SMYD5: variants seen among roughly 807,000 people sequenced by gnomAD.
SMYD5 encodes the protein SMYD family member 5.
Under a neutral mutation model 57.4 loss-of-function variants are expected in SMYD5, and 35 were observed. The observed-to-expected ratio is 0.61, with a 90% CI of 0.47 to 0.81. SMYD5 has a LOEUF of 0.81. Among genes scored for constraint, SMYD5 ranks in the 30% least tolerant of loss-of-function variants. The pLI, the probability that SMYD5 is intolerant of heterozygous loss-of-function variation, is 0.00. For missense variants in SMYD5, 471 were observed against 527.9 expected, an observed-to-expected ratio of 0.89 and a Z score of 1.06; for synonymous variants, 198 against 189.7, an observed-to-expected ratio of 1.04 and a Z score of -0.36.
At chr2:73,225,331 A>T in intron 11 of SMYD5, 1 of 516,990 alleles carries the variant, frequency 1.9e-6, no homozygotes, top group Non-Finnish European at 3.4e-6. Context: ...CTTGAGGGCA[A>T]GTAGCATCAT....
rs1038025288 is a variant in SMYD5, at chr2:73,220,239, C to A, written c.345+49C>A. Reference sequence around the variant, plus strand: ...CTGGAAGGGGGTGGGTGAGGGAGGCCTTAGCTGGAGTCCTCAGTGGGGAGA... The same window carrying A: ...CTGGAAGGGGGTGGGTGAGGGAGGCATTAGCTGGAGTCCTCAGTGGGGAGA... On this transcript the variant is annotated intron_variant, in intron 3 of 12. Coordinates refer to ENST00000389501, the MANE Select transcript of SMYD5 (RefSeq NM_006062.3). 16 of 1,604,298 alleles carry A rather than the reference C, an allele frequency of 1.0e-5. No individual in the cohort carries two copies. In the East Asian group the frequency reaches 3.6e-4, roughly 36 times the overall value.
intron 1 of SMYD5, among the ~76,000 whole-genome samples, chr2:73,218,476 C>T (rs1686328196): frequency 6.6e-6 from 1 of 152,340 alleles, no homozygotes; most frequent in Admixed American, 6.5e-5. Context: ...CCTGGAGTGG[C>T]ATGTGGCTGA....
chr2:73,221,962 C>T (rs768931394), intron 6 of SMYD5, 32 bp downstream of exon 6: 35 of 1,326,378 alleles, frequency 2.6e-5, no homozygotes, highest in South Asian at 8.2e-5. Context: ...GTCTCCTTCC[C>T]TCCCCAAATA....
intron 2 of SMYD5, 146 bp downstream of exon 2, chr2:73,219,115 A>G: frequency 3.0e-6 from 2 of 658,644 alleles, no homozygotes; most frequent in Non-Finnish European, 5.5e-6. Flanking sequence ...CCTGAGAACC[A>G]TGCCTCTGTC....
chr2:73,220,013 G>A, intron 2 of SMYD5, 38 bp from the exon 3 acceptor site: 3 of 1,613,952 alleles, frequency 1.9e-6, no homozygotes, highest in Non-Finnish European at 2.5e-6. Flanking sequence ...TGTGGCCTCT[G>A]CTCTCAAGAT....
At position 73,220,043 on chromosome 2, in the gene SMYD5, A is replaced by G. The variant is rs1417048692; in HGVS notation, c.206-8A>G. 7.4e-6 allele frequency: 12 copies of G among 1,614,036 alleles called. No homozygotes were observed. Among genetic ancestry groups the G allele is most frequent in the Non-Finnish European group, 1.0e-5 (12 of 1,180,000 alleles). ...CAAGATATTGTTGTGTCTGGCTCTCACCGTCAGCCTGTGACCACTGCCTTA... is the reference window on the plus strand; with the variant it reads ...CAAGATATTGTTGTGTCTGGCTCTCGCCGTCAGCCTGTGACCACTGCCTTA... On this transcript the variant is annotated splice_polypyrimidine_tract_variant and splice_region_variant and intron_variant, in intron 2 of 12. Transcript: ENST00000389501.
In SMYD5 at chr2:73,226,818, G is replaced by T. The variant is rs1412567505; in HGVS notation, c.*872G>T. On this transcript the variant is annotated 3_prime_UTR_variant, in exon 13 of 13. Transcript: ENST00000389501. ...TCCTGGGGCCAGTTAAAATGGGTCA[G>T]TGAGGGGCTCTCCTGGCCTCAATCT... 6.5e-6 allele frequency: 1 copy of T among 152,752 alleles called. No individual in the cohort carries two copies. The highest frequency in any genetic ancestry group is 1.5e-5 in the Non-Finnish European group (1 of 68,152). The allele number at this position is 152,752 out of a possible 1,614,324, so 9.5% of individuals were successfully genotyped here.
At position 73,224,899 on chromosome 2, in the gene SMYD5, C is replaced by G. The variant is rs775682819; in HGVS notation, c.974C>G (p.Ser325Cys). ...AGTTGTGTGCCCAATGCAGAGACCT[C>G]CTTTCCAGAAAACAACTTCCTTTTG... ...NHSCVPNAET[S>C]FPENNFLLHV... Residue 325 changes from serine to cysteine, a missense_variant, in exon 11 of 13, where the codon TCC becomes TGC. Physicochemically the swap from Ser to Cys is moderately radical, Grantham distance 112. Coordinates refer to ENST00000389501, the MANE Select transcript of SMYD5 (RefSeq NM_006062.3). 1.9e-6 allele frequency: 3 copies of G among 1,613,942 alleles called. No individual in the cohort carries two copies. Among genetic ancestry groups the G allele is most frequent in the Non-Finnish European group, 2.5e-6 (3 of 1,179,966 alleles).
At chr2:73,225,533 G>C in intron 11 of SMYD5, 98 bp from the exon 12 acceptor site, 1 of 1,148,056 alleles carries the variant, frequency 8.7e-7, no homozygotes, top group South Asian at 1.4e-5. Flanking sequence ...TTGGCTCCTA[G>C]AGATGGGGCA....
Position 73,220,174 on chromosome 2 carries a change from A to G in SMYD5, c.329A>G (p.Asn110Ser). The G allele has an allele frequency of 1.9e-6, 3 of 1,614,132 alleles. 1 individual carries two copies. In the Middle Eastern group the frequency reaches 5.0e-4, roughly 266 times the overall value. Residue 110 changes from asparagine to serine, a missense_variant, in exon 3 of 13, where the codon AAC (asparagine) becomes AGC (serine). By Grantham distance (46) the Asn-to-Ser change is conservative. Coordinates refer to ENST00000389501, the MANE Select transcript of SMYD5 (RefSeq NM_006062.3). The part of the protein sequence containing the change: ...LCTVRKDLHQ[N>S]CPHCQVMYCS... ...ACTGTGCGCAAAGACCTCCACCAGA[A>G]CTGTCCCCATTGCCAAGTGAGTATT...
chr2:73,222,756 G>A lies in SMYD5; in HGVS notation c.644G>A (p.Gly215Asp), dbSNP rs1371943617. The A allele has an allele frequency of 6.2e-7, 1 of 1,611,026 alleles. No individual in the cohort carries two copies. The highest frequency in any genetic ancestry group is 2.2e-5 in the East Asian group (1 of 44,774). ...CTCTCCCTGCTTCCTCTAATCCAGG[G>A]CCAACTGGAACTTCTGCGGAGACTC... ...VHKLLGDKFKGQLELLRRLFT... is the reference protein window; with the variant it reads ...VHKLLGDKFKDQLELLRRLFT... The change falls in exon 7 of 13, where the codon GGC (glycine) becomes GAC (aspartate). Residue 215 changes from glycine to aspartate, a missense_variant and splice_region_variant. Coordinates refer to ENST00000389501, the MANE Select transcript of SMYD5 (RefSeq NM_006062.3).
Position 73,223,465 on chromosome 2 carries a change from G to A in SMYD5, c.816G>A (p.Glu272=), listed in dbSNP as rs762185132. 6.2e-7 allele frequency: 1 copy of A among 1,614,156 alleles called. No individual in the cohort carries two copies. The highest frequency in any genetic ancestry group is 8.5e-7 in the Non-Finnish European group (1 of 1,179,986). Reference sequence around the variant, plus strand: ...GGGTCCATGCCTGTGACACTCTGGAGTTGAAGCCTCAGGACCGTGAGCAGC... The same window carrying A: ...GGGTCCATGCCTGTGACACTCTGGAATTGAAGCCTCAGGACCGTGAGCAGC... ...SQWVHACDTL[E]LKPQDREQLD... is the part of the protein sequence containing the mutation. The change falls in exon 9 of 13, where the codon GAG becomes GAA. Residue 272 remains glutamate, a synonymous_variant. Transcript: ENST00000389501.
intron 1 of SMYD5, chr2:73,214,781 T>G: frequency 7.6e-7 from 1 of 1,312,360 alleles, no homozygotes; most frequent in South Asian, 1.2e-5. Flanking sequence ...CCAAGATCCT[T>G]CACGAGGGTC....
intron 1 of SMYD5, chr2:73,214,874 T>G: frequency 8.0e-7 from 1 of 1,244,600 alleles, no homozygotes. Flanking sequence ...TGACGTGATT[T>G]TGTCGTTTTT....
chr2:73,221,879 A>G lies in SMYD5; in HGVS notation c.591A>G (p.Thr197=). 5.0e-6 allele frequency: 8 copies of G among 1,614,068 alleles called. No homozygotes were observed. Among genetic ancestry groups the G allele is most frequent in the Non-Finnish European group, 6.8e-6 (8 of 1,179,896 alleles). Residue 197 remains threonine, a synonymous_variant, in exon 6 of 13, where the codon ACA becomes ACG. Transcript: ENST00000389501. ...TCTTTTCCCAGTTTTGTAACAAAACAGCCAATGAAGAGGAGGAAATTGTCC... is the reference window on the plus strand; with the variant it reads ...TCTTTTCCCAGTTTTGTAACAAAACGGCCAATGAAGAGGAGGAAATTGTCC... ...IRLFSQFCNK[T]ANEEEEIVHK...
chr2:73,221,957 C>T (rs1686405979), intron 6 of SMYD5, 27 bp downstream of exon 6: 1 of 1,366,914 alleles, frequency 7.3e-7, no homozygotes. Context: ...GGCCTGTCTC[C>T]TTCCCTCCCC....
chr2:73,223,160 A>G, intron 8 of SMYD5, 54 bp downstream of exon 8: 5 of 1,429,646 alleles, frequency 3.5e-6, no homozygotes, highest in Non-Finnish European at 4.9e-6. Flanking sequence ...AAACTGAGGA[A>G]GGTAGCCACA....
chr2:73,219,891 C>A (rs1221917596), intron 2 of SMYD5, 160 bp from the exon 3 acceptor site: 1 of 856,132 alleles, frequency 1.2e-6, no homozygotes, highest in Non-Finnish European at 2.0e-6. Context: ...ATTCATTCAT[C>A]CATTCATCCA....
chr2:73,221,915 G>A lies in SMYD5; in HGVS notation c.627G>A (p.Leu209=), dbSNP rs1183210147. The change falls in exon 6 of 13, where the codon CTG becomes CTA. Residue 209 remains leucine (L), a synonymous_variant. Transcript: ENST00000389501. ...NEEEEIVHKL[L]GDKFKGQLEL... is the part of the protein sequence containing the mutation. ...AGGAGGAAATTGTCCATAAACTTCT[G>A]GGAGACAAATTCAAGGTTATTATTC... 1 of 1,608,720 alleles carries A rather than the reference G, an allele frequency of 6.2e-7. No homozygotes were observed. Among genetic ancestry groups the A allele is most frequent in the Non-Finnish European group, 8.5e-7 (1 of 1,175,112 alleles).
Sources: gnomAD v4.1 joint callset for allele counts (sites outside exome capture counted in the v4.1 genomes callset) on GRCh38, gnomAD v4.1.1 for gene constraint, MANE v1.5 for transcripts, NCBI Gene and HGNC (gene_info 2026-07-23, HGNC 2026-07-21) for gene names.